The following RAPGEF4 variants were observed in gnomAD, a reference collection of about 807,000 sequenced individuals.
RAPGEF4 encodes Rap guanine nucleotide exchange factor 4.
RAPGEF4 carries 66 observed loss-of-function variants against 147.9 expected under a neutral mutation model. The observed-to-expected ratio is 0.45, with a 90% confidence interval of 0.37 to 0.55. RAPGEF4 has a LOEUF of 0.55. RAPGEF4 is among the 20% of genes least tolerant of loss of function. RAPGEF4 has a pLI of 0.00. For missense variants in RAPGEF4, 1,071 were observed against 1,257.3 expected (o/e 0.85, Z 2.24); for synonymous variants, 419 against 442.7 (o/e 0.95, Z 0.67).
rs535272421 is a variant in RAPGEF4, at chr2:172,940,587, G to A, written c.537+18287G>A. On this transcript the variant is annotated intron_variant, in intron 6 of 30. Transcript: ENST00000397081. Reference sequence around the variant, plus strand: ...TGAGGCCTCCCCATAAGTAGATGCCGTTATGTTTCCTGTACAGCCTTCAGA... The same window carrying A: ...TGAGGCCTCCCCATAAGTAGATGCCATTATGTTTCCTGTACAGCCTTCAGA... Among the ~76,000 whole-genome samples, 53 of 152,212 alleles carry A rather than the reference G, an allele frequency of 3.5e-4. No homozygotes were observed. In the South Asian group the frequency reaches 3.7e-3, roughly 11 times the overall value.
At chr2:172,775,632 A>G (rs996209824) in intron 1 of RAPGEF4, among the ~76,000 whole-genome samples, 2 of 152,120 alleles carry the variant, frequency 1.3e-5, no homozygotes, top group Admixed American at 1.3e-4. Context: ...AATTCAAGGC[A>G]TCTGGCTTTT....
At chr2:172,871,136 A>G (rs1022041127) in intron 4 of RAPGEF4, among the ~76,000 whole-genome samples, 2 of 152,190 alleles carry the variant, frequency 1.3e-5, no homozygotes, top group Non-Finnish European at 2.9e-5. Flanking sequence ...TTGTTCCATC[A>G]TTATCAAACT....
At chr2:172,963,450 A>G (rs1200694411) in intron 8 of RAPGEF4, among the ~76,000 whole-genome samples, 2 of 152,336 alleles carry the variant, frequency 1.3e-5, no homozygotes, top group East Asian at 3.9e-4. Flanking sequence ...CCATAATTTA[A>G]GATGTGATTG....
chr2:172,911,082 G>T (rs1402306662), intron 4 of RAPGEF4, among the ~76,000 whole-genome samples: 2 of 152,190 alleles, frequency 1.3e-5, no homozygotes, highest in African/African-American at 4.8e-5. Context: ...AATGCACTCT[G>T]TCCTTTCTTG....
rs187192650 is a variant in RAPGEF4, at chr2:173,014,211, C to G, written c.1659-253C>G. Among the ~76,000 whole-genome samples the G allele has an allele frequency of 3.4e-3, 518 of 152,208 alleles. 5 individuals are homozygous for G. The highest frequency in any genetic ancestry group is 0.024 in the Middle Eastern group (7 of 294). On this transcript the variant is annotated intron_variant, in intron 17 of 30. Coordinates refer to ENST00000397081, the MANE Select transcript of RAPGEF4 (RefSeq NM_007023.4). ...TAGACACAAGAATCCTTGTCCACAC[C>G]AAGTCCAGGAGGAGTCTGTGAAAGT...
chr2:172,850,854 A>G (rs1468816398), intron 4 of RAPGEF4, among the ~76,000 whole-genome samples: 1 of 152,100 alleles, frequency 6.6e-6, no homozygotes, highest in Non-Finnish European at 1.5e-5. Flanking sequence ...TGGTCTAACT[A>G]GCAGTCTATC....
At chr2:173,011,170 G>GCGCGCGCGCGCACACACACACACACACA (rs564434178) in intron 17 of RAPGEF4, among the ~76,000 whole-genome samples, 1 of 133,500 alleles carries the variant, frequency 7.5e-6, no homozygotes, top group African/African-American at 2.9e-5. Flanking sequence ...GCGCGCGCGC[G>GCGCGCGCGCGCACACACACACACACACA]CACACACACA....
chr2:172,888,779 T>G, intron 4 of RAPGEF4, among the ~76,000 whole-genome samples: 1 of 152,230 alleles, frequency 6.6e-6, no homozygotes, highest in Non-Finnish European at 1.5e-5. Context: ...AAGATTGAAT[T>G]CAATACAGAA....
At chr2:173,011,172 A>ACG (rs1694989297) in intron 17 of RAPGEF4, among the ~76,000 whole-genome samples, 3 of 27,780 alleles carry the variant, frequency 1.1e-4, no homozygotes, top group African/African-American at 1.4e-4. Flanking sequence ...GCGCGCGCGC[A>ACG]CACACACACA....
chr2:173,047,369 G>A (rs987831275), intron 29 of RAPGEF4, among the ~76,000 whole-genome samples: 2 of 152,128 alleles, frequency 1.3e-5, no homozygotes, highest in African/African-American at 4.8e-5. Context: ...AAGTTAAGAT[G>A]ATCACTTAGT....
At chr2:172,792,477 C>T (rs769781811) in intron 1 of RAPGEF4, among the ~76,000 whole-genome samples, 1 of 152,170 alleles carries the variant, frequency 6.6e-6, no homozygotes, top group African/African-American at 2.4e-5. Flanking sequence ...AGACTGGGCA[C>T]ACACACATCA....
chr2:172,892,365 G>GT (rs1698018243), intron 4 of RAPGEF4, among the ~76,000 whole-genome samples: 2 of 152,184 alleles, frequency 1.3e-5, no homozygotes, highest in Non-Finnish European at 2.9e-5. Flanking sequence ...CTTATCAATA[G>GT]TTGAATATGT....
chr2:173,042,006 C>A lies in RAPGEF4; in HGVS notation c.2853+5314C>A, dbSNP rs751116306. ...AACTGTGCCTGACCTCCGTGTAACACCGTTCTGCGACACCCAGCACTCTCC... is the reference window on the plus strand; with the variant it reads ...AACTGTGCCTGACCTCCGTGTAACAACGTTCTGCGACACCCAGCACTCTCC... On this transcript the variant is annotated intron_variant, in intron 29 of 30. Coordinates refer to ENST00000397081, the MANE Select transcript of RAPGEF4 (RefSeq NM_007023.4). The surrounding 1 kb of genome is among the most constrained non-coding windows in gnomAD (Gnocchi z 4.2). Among the ~76,000 whole-genome samples the A allele has an allele frequency of 2.0e-4, 31 of 152,100 alleles. No individual in the cohort carries two copies. The highest frequency in any genetic ancestry group is 3.1e-4 in the Non-Finnish European group (21 of 68,014).
At chr2:173,027,284 GA>G (rs200115209) in intron 25 of RAPGEF4, 25 bp downstream of exon 25, 213 of 1,503,910 alleles carry the variant, frequency 1.4e-4, no homozygotes, top group Admixed American at 4.1e-4. Context: ...CTTGGAAAGA[GA>G]AAAAAAAATG....
chr2:172,789,543 G>A (rs116421295), intron 1 of RAPGEF4, among the ~76,000 whole-genome samples: 2,196 of 152,256 alleles, frequency 0.014, 52 homozygotes, highest in African/African-American at 0.051. Context: ...TATAAGTACA[G>A]TGTTATACAG....
intron 10 of RAPGEF4, among the ~76,000 whole-genome samples, chr2:172,968,525 T>G (rs1251979603): frequency 6.6e-6 from 1 of 152,124 alleles, no homozygotes; most frequent in African/African-American, 2.4e-5. Flanking sequence ...TTGTCCCCTT[T>G]GTCAAAACTT....
At chr2:172,899,985 T>C (rs1183029425) in intron 4 of RAPGEF4, among the ~76,000 whole-genome samples, 2 of 152,160 alleles carry the variant, frequency 1.3e-5, no homozygotes, top group Admixed American at 6.5e-5. Context: ...CTTCCACCCT[T>C]GGACTCCTCC....
At chr2:172,905,245 G>T (rs557483095) in intron 4 of RAPGEF4, among the ~76,000 whole-genome samples, 1 of 152,050 alleles carries the variant, frequency 6.6e-6, no homozygotes, top group South Asian at 2.1e-4. Context: ...TAGCGTCATT[G>T]TGCGAATCCA....
At chr2:172,884,248 A>T (rs1696935692) in intron 4 of RAPGEF4, among the ~76,000 whole-genome samples, 1 of 152,196 alleles carries the variant, frequency 6.6e-6, no homozygotes, top group Admixed American at 6.5e-5. Flanking sequence ...ATGGTCTGAA[A>T]TATTTTACCT....
Sources: gnomAD v4.1 joint callset for allele counts (sites outside exome capture counted in the v4.1 genomes callset) on GRCh38, gnomAD v4.1.1 for gene constraint, Gnocchi (gnomAD v3.1) non-coding constraint, MANE v1.5 for transcripts, NCBI Gene and HGNC (gene_info 2026-07-23, HGNC 2026-07-21) for gene names.